LOXL2: variants seen among roughly 807,000 people sequenced by gnomAD.
LOXL2 encodes the protein lysyl oxidase like 2, also known as lysyl oxidase homolog 2.
A neutral mutation model predicts 93.0 loss-of-function variants in LOXL2; 70 were observed. The observed-to-expected ratio is 0.75, with a 90% confidence interval of 0.62 to 0.92. The LOEUF is 0.92. Ranked by LOEUF, LOXL2 falls within the 40% of genes least tolerant of loss-of-function variation. The pLI is 0.00. For missense variants in LOXL2, 973 were observed against 1,054.9 expected, an observed-to-expected ratio of 0.92 and a Z score of 1.08; for synonymous variants, 438 against 413.2, an observed-to-expected ratio of 1.06 and a Z score of -0.73.
At chr8:23,388,252 G>A (rs1194910574) in intron 1 of LOXL2, among the ~76,000 whole-genome samples, 1 of 152,052 alleles carries the variant, frequency 6.6e-6, no homozygotes, top group Admixed American at 6.6e-5. Context: ...CTGAGCCTAG[G>A]TAGTTCCTTC....
At position 23,385,763 on chromosome 8, in the gene LOXL2, G is replaced by C; in HGVS notation, c.-83-17329C>G. On this transcript the variant is annotated intron_variant, in intron 1 of 13. Coordinates refer to ENST00000389131, the MANE Select transcript of LOXL2 (RefSeq NM_002318.3). ...ATTCCCTCGTAGCCACTTTCCAAAA[G>C]TAGAATAAAATAGATGAAATCAATG... The C allele has an allele frequency of 6.9e-6, 4 of 582,156 alleles. No homozygotes were observed. In the South Asian group the frequency reaches 8.6e-5, roughly 12 times the overall value. 36.1% of individuals were successfully genotyped at this position (582,156 alleles called of 1,614,324 possible). A position where few individuals can be genotyped will look rare whatever the true frequency, so the allele number is the denominator to read the frequency against.
chr8:23,400,498 T>C (rs906095892), intron 1 of LOXL2, among the ~76,000 whole-genome samples: 4 of 152,222 alleles, frequency 2.6e-5, no homozygotes, highest in Non-Finnish European at 5.9e-5. Flanking sequence ...TTATGACAGC[T>C]ACAATTCACA....
chr8:23,313,168 C>T (rs950832395), intron 9 of LOXL2, among the ~76,000 whole-genome samples: 47 of 152,270 alleles, frequency 3.1e-4, no homozygotes, highest in African/African-American at 1.1e-3. Context: ...AATGGAAGAA[C>T]ATTCCATGCT....
rs77808758 is a variant in LOXL2, at chr8:23,342,189, C to G, written c.532-986G>C. 5.4e-3 allele frequency among the ~76,000 whole-genome samples: 818 copies of G among 152,164 alleles called. 44 individuals are homozygous for G. The East Asian group carries it at 0.13, about 24-fold the overall frequency. ...CCACCTAGACCTGAGTCCCAGGGAT[C>G]GGGCAGGAGAGGGGGCCTCAAGAGG... On this transcript the variant is annotated intron_variant, in intron 3 of 13. Coordinates refer to ENST00000389131, the MANE Select transcript of LOXL2 (RefSeq NM_002318.3).
chr8:23,350,367 T>C (rs1219197875), intron 3 of LOXL2, among the ~76,000 whole-genome samples: 1 of 151,974 alleles, frequency 6.6e-6, no homozygotes, highest in Non-Finnish European at 1.5e-5. Context: ...TCACCTGAGG[T>C]CAGGAGTTTG....
At chr8:23,343,815 G>A (rs1465059038) in intron 3 of LOXL2, among the ~76,000 whole-genome samples, 1 of 152,112 alleles carries the variant, frequency 6.6e-6, no homozygotes, top group African/African-American at 2.4e-5. Context: ...ACAGGGGTGA[G>A]CCAAGAAAGG....
intron 3 of LOXL2, 42 bp from the exon 4 acceptor site, chr8:23,341,245 G>A: frequency 6.6e-7 from 1 of 1,523,758 alleles, no homozygotes; most frequent in Non-Finnish European, 9.1e-7. Context: ...TACCCTACTG[G>A]CCTGGCTGCA....
chr8:23,297,870 A>G lies in LOXL2; in HGVS notation c.*173T>C. ...AGGGTCAGGTAGCAGCCCCCCATGAATGATGGGAGGGTCCCTTTCCTCCTG... is the reference window on the plus strand; with the variant it reads ...AGGGTCAGGTAGCAGCCCCCCATGAGTGATGGGAGGGTCCCTTTCCTCCTG... On this transcript the variant is annotated 3_prime_UTR_variant, in exon 14 of 14. Coordinates refer to ENST00000389131, the MANE Select transcript of LOXL2 (RefSeq NM_002318.3). The G allele has an allele frequency of 1.7e-6, 1 of 582,090 alleles. No individual in the cohort carries two copies. The highest frequency in any genetic ancestry group is 3.0e-6 in the Non-Finnish European group (1 of 327,882). 36.1% of individuals were successfully genotyped at this position (582,090 alleles called of 1,614,324 possible). A position where few individuals can be genotyped will look rare whatever the true frequency, so the allele number is the denominator to read the frequency against.
At chr8:23,397,487 A>G (rs1800104901) in intron 1 of LOXL2, among the ~76,000 whole-genome samples, 1 of 152,154 alleles carries the variant, frequency 6.6e-6, no homozygotes, top group African/African-American at 2.4e-5. Flanking sequence ...CTTTAGAAAT[A>G]TGCTTTTCCG....
chr8:23,379,195 G>A (rs918069855), intron 1 of LOXL2, among the ~76,000 whole-genome samples: 12 of 152,210 alleles, frequency 7.9e-5, no homozygotes, highest in African/African-American at 2.4e-4. Flanking sequence ...GTTTGCTGGA[G>A]GTCCACTCCA....
intron 3 of LOXL2, among the ~76,000 whole-genome samples, chr8:23,355,317 C>CG (rs1294522958): frequency 2.0e-5 from 3 of 151,716 alleles, no homozygotes; most frequent in African/African-American, 4.8e-5. Context: ...CCATCTCCCC[C>CG]CATATCTCTT....
chr8:23,360,567 C>T (rs781024888), intron 2 of LOXL2, among the ~76,000 whole-genome samples: 1 of 152,148 alleles, frequency 6.6e-6, no homozygotes, highest in Non-Finnish European at 1.5e-5. Context: ...GGGTACCAAG[C>T]TGGGTTTGAG....
intron 9 of LOXL2, 88 bp from the exon 10 acceptor site, chr8:23,309,999 C>A: frequency 7.4e-7 from 1 of 1,355,634 alleles, no homozygotes. Context: ...CAAACCCCCT[C>A]TCCTGCCTAC....
intron 4 of LOXL2, 68 bp downstream of exon 4, chr8:23,340,924 G>T: frequency 7.2e-7 from 1 of 1,396,104 alleles, no homozygotes; most frequent in African/African-American, 1.4e-5. Flanking sequence ...CCACCAGGGC[G>T]GACACTTTTA....
chr8:23,357,393 T>C (rs1443966180), intron 3 of LOXL2, among the ~76,000 whole-genome samples: 4 of 152,178 alleles, frequency 2.6e-5, no homozygotes, highest in Admixed American at 2.6e-4. Context: ...TCTGTGTTTA[T>C]TCCACCCCAT....
chr8:23,362,558 C>A (rs1227658851), intron 2 of LOXL2, among the ~76,000 whole-genome samples: 1 of 152,152 alleles, frequency 6.6e-6, no homozygotes, highest in Non-Finnish European at 1.5e-5. Context: ...TATAGCGAGG[C>A]CTCATCTCTA....
rs897197565 is a variant in LOXL2 at position 23,304,152 on chromosome 8, C to T, written c.1881-755G>A. Among the ~76,000 whole-genome samples the T allele has an allele frequency of 2.6e-5, 4 of 152,212 alleles. No homozygotes were observed. In the South Asian group the frequency reaches 8.3e-4, roughly 32 times the overall value. On this transcript the variant is annotated intron_variant, in intron 10 of 13. Coordinates refer to ENST00000389131, the MANE Select transcript of LOXL2 (RefSeq NM_002318.3). ...ACAGCAGCGGCAAAGGGAGGCACGT[C>T]CCCGGGGGTTCCAGAAAAGAGTTCT...
chr8:23,398,140 G>T (rs746675056), intron 1 of LOXL2, among the ~76,000 whole-genome samples: 2 of 152,096 alleles, frequency 1.3e-5, no homozygotes, highest in Non-Finnish European at 2.9e-5. Flanking sequence ...CAAGCCTGGG[G>T]GCAAAAGAAG....
intron 1 of LOXL2, among the ~76,000 whole-genome samples, chr8:23,384,605 AGGAG>A (rs1441180461): frequency 6.6e-6 from 1 of 152,150 alleles, no homozygotes. Flanking sequence ...GGAAGGCAGA[AGGAG>A]GGAGTAACTT....
Sources: allele counts gnomAD v4.1 joint callset (sites outside exome capture counted in the v4.1 genomes callset), GRCh38; gene constraint gnomAD v4.1.1; transcripts MANE v1.5; gene names NCBI Gene and HGNC (gene_info 2026-07-23, HGNC 2026-07-21).